Variants in ACSM4 observed in about 807,000 individuals in gnomAD.
The protein encoded by ACSM4 is acyl-CoA synthetase medium chain family member 4, also known as acyl-coenzyme A synthetase ACSM4, mitochondrial.
ACSM4 carries 66 observed loss-of-function variants against 73.0 expected under a neutral mutation model. The ratio of observed to expected loss-of-function variants is 0.90; its 90% confidence interval spans 0.74 to 1.11. ACSM4 has a LOEUF of 1.11. ACSM4 is among the 50% of genes least tolerant of loss of function. The probability of loss-of-function intolerance (pLI) is 0.00; values close to 1 mark genes in which losing one functional copy is unlikely to be tolerated. For synonymous variants in ACSM4, 222 were observed against 254.0 expected, an observed-to-expected ratio of 0.87 and a Z score of 1.20; for missense variants, 645 against 714.4, an observed-to-expected ratio of 0.90 and a Z score of 1.11.
Position 7,324,524 on chromosome 12 carries a change from G to C in ACSM4, c.1462G>C (p.Glu488Gln). 6.2e-7 allele frequency: 1 copy of C among 1,613,992 alleles called. No individual in the cohort carries two copies. Among genetic ancestry groups the C allele is most frequent in the South Asian group, 1.1e-5 (1 of 91,086 alleles). ...SGYRIGPFEV[E>Q]SALIEHPAVV... Reference sequence around the variant, plus strand: ...GTACCGTATTGGGCCATTTGAAGTGGAGAGTGCACTCATTGAGCATCCAGC... The same window carrying C: ...GTACCGTATTGGGCCATTTGAAGTGCAGAGTGCACTCATTGAGCATCCAGC... Residue 488 changes from glutamate to glutamine, a missense_variant, in exon 11 of 13, where the codon GAG becomes CAG. Transcript: ENST00000399422.
In ACSM4 at chr12:7,320,824, CATT is replaced by C; in HGVS notation, c.1001+21_1001+23del. On this transcript the variant is annotated intron_variant, in intron 6 of 12. Transcript: ENST00000399422. ...TAAGAGGTACTTGGGCAGAAATCTC[CATT>C]TGAACCACAAACAATAGCTACCATC... The C allele has an allele frequency of 6.3e-7, 1 of 1,575,998 alleles. No homozygotes were observed. Among genetic ancestry groups the C allele is most frequent in the South Asian group, 1.1e-5 (1 of 89,824 alleles).
Position 7,304,238 on chromosome 12 carries a change from C to A in ACSM4, c.-94C>A. 1 of 1,324,790 alleles carries A rather than the reference C, an allele frequency of 7.5e-7. No homozygotes were observed. The highest frequency in any genetic ancestry group is 1.1e-6 in the Non-Finnish European group (1 of 938,404). The allele number at this position is 1,324,790 out of a possible 1,614,324, so 82.1% of individuals were successfully genotyped here. A position where few individuals can be genotyped will look rare whatever the true frequency, so the allele number is the denominator to read the frequency against. ...ACAAATCCACCTCCCAGTCTCACCA[C>A]AGAGCATCAAGAAACTGATACTCTC... On this transcript the variant is annotated 5_prime_UTR_variant, in exon 1 of 13. Coordinates refer to ENST00000399422, the MANE Select transcript of ACSM4 (RefSeq NM_001080454.2).
At chr12:7,319,013 G>A (rs911187314) in intron 5 of ACSM4, among the ~76,000 whole-genome samples, 2 of 152,138 alleles carry the variant, frequency 1.3e-5, no homozygotes, top group Admixed American at 6.5e-5. Context: ...TACATTTATT[G>A]TGTACTTTAT....
At chr12:7,315,606 C>T (rs1214835381) in intron 3 of ACSM4, among the ~76,000 whole-genome samples, 1 of 151,850 alleles carries the variant, frequency 6.6e-6, no homozygotes, top group African/African-American at 2.4e-5. Context: ...AGTGAGACTC[C>T]ATTGCAAAAA....
chr12:7,313,648 G>A (rs1283695126), intron 3 of ACSM4, among the ~76,000 whole-genome samples: 5 of 152,244 alleles, frequency 3.3e-5, no homozygotes, highest in Non-Finnish European at 4.4e-5. Context: ...ACAAAGGACC[G>A]TGTCCTGTGG....
Position 7,317,131 on chromosome 12 carries a change from T to G in ACSM4, c.621-6T>G. ...CCACCGCCATCTTGGGGTCCATATT[T>G]TGCAGATTCGCCTCTGAAGAGCACA... On this transcript the variant is annotated splice_region_variant and splice_polypyrimidine_tract_variant and intron_variant, in intron 3 of 12. Transcript: ENST00000399422. 6.2e-7 allele frequency: 1 copy of G among 1,607,802 alleles called. No homozygotes were observed. The highest frequency in any genetic ancestry group is 8.5e-7 in the Non-Finnish European group (1 of 1,177,542).
intron 1 of ACSM4, among the ~76,000 whole-genome samples, chr12:7,304,949 T>C (rs1176974768): frequency 1.3e-5 from 2 of 152,310 alleles, no homozygotes; most frequent in East Asian, 1.9e-4. Context: ...GCGGCCCTTA[T>C]GCAATGTTTA....
In ACSM4 at chr12:7,319,294, C is replaced by T. The variant is rs768857317; in HGVS notation, c.921+1112C>T. On this transcript the variant is annotated intron_variant, in intron 5 of 12. Transcript: ENST00000399422. ...AGGAGGCGGAGCTCAGGTGGTAATG[C>T]GGGCAATGGGGAGTGGCTATAAATA... Among the ~76,000 whole-genome samples, 13 of 152,160 alleles carry T rather than the reference C, an allele frequency of 8.5e-5. No homozygotes were observed. In the East Asian group the frequency reaches 1.4e-3, roughly 16 times the overall value.
At chr12:7,316,213 A>G (rs780982372) in intron 3 of ACSM4, among the ~76,000 whole-genome samples, 9 of 152,268 alleles carry the variant, frequency 5.9e-5, no homozygotes, top group South Asian at 4.1e-4. Flanking sequence ...ACAATCTTAC[A>G]CAGAGATTGT....
At position 7,318,068 on chromosome 12, in the gene ACSM4, G is replaced by A. The variant is rs373806737; in HGVS notation, c.807G>A (p.Met269Ile). 44 of 1,613,668 alleles carry A rather than the reference G, an allele frequency of 2.7e-5. No homozygotes were observed. The highest frequency in any genetic ancestry group is 3.6e-5 in the Non-Finnish European group (43 of 1,179,818). Residue 269 changes from methionine to isoleucine, a missense_variant, in exon 5 of 13, where the codon ATG becomes ATA. Physicochemically the swap from Met to Ile is conservative, Grantham distance 10 (BLOSUM62 1). Transcript: ENST00000399422. ...DLKSSDIIWN[M>I]SDTGWVKAAI... ...AGTCCTCAGATATCATATGGAATAT[G>A]TCTGACACGGGCTGGGTCAAGGCCG...
chr12:7,313,450 A>G (rs1946402031), intron 3 of ACSM4, among the ~76,000 whole-genome samples: 1 of 152,212 alleles, frequency 6.6e-6, no homozygotes, highest in South Asian at 2.1e-4. Flanking sequence ...ACACACAGCA[A>G]TAATGTGGGC....
At chr12:7,319,634 C>A in intron 5 of ACSM4, among the ~76,000 whole-genome samples, 1 of 151,664 alleles carries the variant, frequency 6.6e-6, no homozygotes, top group Non-Finnish European at 1.5e-5. Flanking sequence ...GCTTCGCTCA[C>A]CTTGCCCCGC....
At chr12:7,306,847 CAAAAAA>C (rs59277746) in intron 2 of ACSM4, 104 bp downstream of exon 2, 102 of 488,124 alleles carry the variant, frequency 2.1e-4, no homozygotes, top group South Asian at 2.7e-4. Flanking sequence ...ATACAGAAGA[CAAAAAA>C]AAAAAAAAAA....
chr12:7,305,067 T>C (rs1342428414), intron 1 of ACSM4, among the ~76,000 whole-genome samples: 2 of 152,120 alleles, frequency 1.3e-5, no homozygotes, highest in Non-Finnish European at 2.9e-5. Context: ...TGCAGGACCA[T>C]GGATGGGAAC....
intron 2 of ACSM4, 104 bp downstream of exon 2, chr12:7,306,847 C>CAAAA (rs59277746): frequency 1.7e-4 from 85 of 488,274 alleles, no homozygotes; most frequent in Middle Eastern, 6.0e-4. Context: ...ATACAGAAGA[C>CAAAA]AAAAAAAAAA....
At chr12:7,312,726 CA>C (rs1443303915) in intron 3 of ACSM4, among the ~76,000 whole-genome samples, 1 of 152,106 alleles carries the variant, frequency 6.6e-6, no homozygotes, top group Non-Finnish European at 1.5e-5. Context: ...GCAGAAGTAT[CA>C]AATGTGATAA....
intron 2 of ACSM4, 88 bp downstream of exon 2, chr12:7,306,831 G>GAGCT (rs1946365054): frequency 1.4e-6 from 1 of 712,994 alleles, no homozygotes; most frequent in African/African-American, 2.4e-5. Context: ...CTGATTAAAA[G>GAGCT]TATGCATACA....
At chr12:7,317,444 G>T (rs1946429880) in intron 4 of ACSM4, among the ~76,000 whole-genome samples, 164 bp downstream of exon 4, 1 of 152,112 alleles carries the variant, frequency 6.6e-6, no homozygotes. Flanking sequence ...CTCAGTAAAT[G>T]GCAGCATCTA....
chr12:7,328,159 A>T, intron 12 of ACSM4, 128 bp from the exon 13 acceptor site: 1 of 631,918 alleles, frequency 1.6e-6, no homozygotes, highest in Non-Finnish European at 2.6e-6. Context: ...CATGAAATTC[A>T]ATGAGCTTAG....
Sources: allele counts gnomAD v4.1 joint callset (sites outside exome capture counted in the v4.1 genomes callset), GRCh38; gene constraint gnomAD v4.1.1; transcripts MANE v1.5; gene names NCBI Gene and HGNC (gene_info 2026-07-23, HGNC 2026-07-21).